The following CHL1 variants were observed in gnomAD, a reference collection of about 807,000 sequenced individuals.
CHL1 encodes neural cell adhesion molecule L1-like protein.
In CHL1, 96 loss-of-function variants were observed where a neutral mutation model predicts 141.9. The ratio of observed to expected loss-of-function variants is 0.68; its 90% CI spans 0.57 to 0.80. The LOEUF (loss-of-function observed/expected upper bound fraction) is 0.80. CHL1 is among the 30% of genes least tolerant of loss of function. CHL1 has a pLI of 0.00. For synonymous variants in CHL1, 613 were observed against 502.2 expected (o/e 1.22, Z -2.95); for missense variants, 1,820 against 1,457.2 (o/e 1.25, Z -4.05).
chr3:298,237 A>G (rs1574994174), intron 2 of CHL1, among the ~76,000 whole-genome samples: 2 of 152,218 alleles, frequency 1.3e-5, no homozygotes, highest in South Asian at 4.1e-4. Context: ...AGATAATACA[A>G]TAAGTCGAAT....
chr3:298,396 A>G (rs954423626), intron 2 of CHL1, among the ~76,000 whole-genome samples: 1 of 145,846 alleles, frequency 6.9e-6, no homozygotes, highest in Admixed American at 6.8e-5. Flanking sequence ...TTCTTTCCAC[A>G]TAAGAGCATG....
chr3:214,558 A>C (rs1371722751), intron 1 of CHL1, among the ~76,000 whole-genome samples: 1 of 152,162 alleles, frequency 6.6e-6, no homozygotes, highest in African/African-American at 2.4e-5. Flanking sequence ...TTGACTTGTT[A>C]AATCTATTTT....
At chr3:362,065 A>C (rs1704310904) in intron 13 of CHL1, among the ~76,000 whole-genome samples, 1 of 152,198 alleles carries the variant, frequency 6.6e-6, no homozygotes, top group Admixed American at 6.6e-5. Flanking sequence ...AGAATTGAAG[A>C]GATTACAGAG....
chr3:300,243 A>T (rs1698604002), intron 2 of CHL1, among the ~76,000 whole-genome samples: 1 of 152,218 alleles, frequency 6.6e-6, no homozygotes, highest in African/African-American at 2.4e-5. Context: ...CAGTGAGGCT[A>T]CTTAGATAGA....
chr3:215,789 G>T (rs1336802458), intron 1 of CHL1, among the ~76,000 whole-genome samples: 3 of 152,064 alleles, frequency 2.0e-5, no homozygotes, highest in Admixed American at 6.6e-5. Context: ...GTGCATTGAA[G>T]CATCTCTTTC....
intron 2 of CHL1, chr3:282,596 G>A (rs953319097): frequency 6.6e-6 from 1 of 152,138 alleles, no homozygotes; most frequent in Non-Finnish European, 1.5e-5. Context: ...AATTTTCAAA[G>A]AATAGTTTTG....
In CHL1 at chr3:401,761, C is replaced by T. The variant is rs575378635; in HGVS notation, c.3458+63C>T. 12 of 929,742 alleles carry T rather than the reference C, an allele frequency of 1.3e-5. No homozygotes were observed. The African/African-American group carries it at 1.7e-4, about 13-fold the overall frequency. The allele number at this position is 929,742 out of a possible 1,614,324, so 57.6% of individuals were successfully genotyped here. On this transcript the variant is annotated intron_variant, in intron 27 of 27. Transcript: ENST00000256509. ...TCATCATGTTGAAAGCTTAAGTGAA[C>T]AAAAAGGTGTTTATTCTTAATAAAA...
chr3:276,712 ATC>A, intron 2 of CHL1, among the ~76,000 whole-genome samples: 1 of 151,864 alleles, frequency 6.6e-6, no homozygotes, highest in Admixed American at 6.6e-5. Flanking sequence ...ACAGGGTGAA[ATC>A]CCTTCTCTAC....
At chr3:249,037 G>C (rs1405586212) in intron 2 of CHL1, among the ~76,000 whole-genome samples, 2 of 152,188 alleles carry the variant, frequency 1.3e-5, no homozygotes, top group African/African-American at 2.4e-5. Context: ...AATTCTTGCT[G>C]GAGAAAAATA....
chr3:360,309 C>T lies in CHL1; in HGVS notation c.1191C>T (p.Val397=). 1 of 1,613,800 alleles carries T rather than the reference C, an allele frequency of 6.2e-7. No homozygotes were observed. Among genetic ancestry groups the T allele is most frequent in the Non-Finnish European group, 8.5e-7 (1 of 1,179,816 alleles). ...VDNHPFAGDV[V]FPREISFTNL... ...ATCATCCATTTGCTGGTGATGTTGT[C>T]TTCCCCAGGGAAATCAGTTTTACCA... The change falls in exon 12 of 28, where the codon GTC becomes GTT. Residue 397 remains valine (V), a synonymous_variant. Coordinates refer to ENST00000256509, the MANE Select transcript of CHL1 (RefSeq NM_006614.4).
chr3:314,948 C>G (rs1447497983), intron 2 of CHL1, among the ~76,000 whole-genome samples: 1 of 152,122 alleles, frequency 6.6e-6, no homozygotes, highest in Non-Finnish European at 1.5e-5. Flanking sequence ...CACTCTCACA[C>G]TTTTGGGGAG....
chr3:319,413 T>A (rs1156511637), intron 2 of CHL1, among the ~76,000 whole-genome samples: 2 of 151,816 alleles, frequency 1.3e-5, no homozygotes, highest in Non-Finnish European at 2.9e-5. Context: ...CTCATGTGTA[T>A]AATATCATAC....
intron 2 of CHL1, among the ~76,000 whole-genome samples, chr3:256,133 T>TTACCTA (rs1694140523): frequency 6.6e-6 from 1 of 151,832 alleles, no homozygotes; most frequent in African/African-American, 2.4e-5. Flanking sequence ...AGTAAGGAGG[T>TTACCTA]TTCATGCTTC....
At chr3:393,181 T>C (rs11715727) in intron 23 of CHL1, among the ~76,000 whole-genome samples, 131,609 of 147,470 alleles carry the variant, frequency 0.89, 59,651 homozygotes, top group East Asian at 1. Context: ...TGCGGTGAGC[T>C]GAGATGGAGC....
chr3:240,632 C>A (rs888466995), intron 1 of CHL1, among the ~76,000 whole-genome samples: 1 of 152,138 alleles, frequency 6.6e-6, no homozygotes, highest in Non-Finnish European at 1.5e-5. Context: ...GTTTTTGTTG[C>A]ATTTGCTTTT....
intron 2 of CHL1, chr3:248,683 TTTTC>T (rs1379019796): frequency 1.3e-5 from 2 of 152,248 alleles, no homozygotes; most frequent in East Asian, 3.9e-4. Flanking sequence ...TAAGTTAATT[TTTTC>T]TTTCTTTCCA....
chr3:211,892 C>T (rs762629560), intron 1 of CHL1, among the ~76,000 whole-genome samples: 1 of 152,154 alleles, frequency 6.6e-6, no homozygotes, highest in Non-Finnish European at 1.5e-5. Flanking sequence ...AGATAGGTAT[C>T]AGTCCTCTTT....
intron 1 of CHL1, among the ~76,000 whole-genome samples, chr3:201,300 A>AT (rs2125324319): frequency 6.6e-6 from 1 of 152,328 alleles, no homozygotes; most frequent in South Asian, 2.1e-4. Flanking sequence ...ACTAATTGAG[A>AT]TTTTATGTGT....
intron 24 of CHL1, 42 bp from the exon 25 acceptor site, chr3:398,185 C>A: frequency 1.5e-6 from 2 of 1,346,334 alleles, no homozygotes; most frequent in Non-Finnish European, 2.0e-6. Context: ...CCTGTTTTTC[C>A]ATGATTACAA....
Sources: allele counts gnomAD v4.1 joint callset (sites outside exome capture counted in the v4.1 genomes callset), GRCh38; gene constraint gnomAD v4.1.1; transcripts MANE v1.5; gene names NCBI Gene and HGNC (gene_info 2026-07-23, HGNC 2026-07-21).